The following SLC38A5 variants were observed in gnomAD, a reference collection of about 807,000 sequenced individuals.
The protein encoded by SLC38A5 is sodium-coupled neutral amino acid transporter 5.
Under a neutral mutation model 34.6 loss-of-function variants are expected in SLC38A5, and 9 were observed. The observed-to-expected ratio is 0.26, with a 90% CI of 0.16 to 0.45. The LOEUF (loss-of-function observed/expected upper bound fraction) is 0.45, where lower values mean the gene tolerates loss of function less well. Ranked by LOEUF, SLC38A5 falls within the 20% of genes least tolerant of loss-of-function variation. The pLI, the probability that SLC38A5 is intolerant of heterozygous loss-of-function variation, is 1.00. For missense variants in SLC38A5, 253 were observed against 394.7 expected, an observed-to-expected ratio of 0.64 and a Z score of 3.04; for synonymous variants, 157 against 155.6, an observed-to-expected ratio of 1.01 and a Z score of -0.07.
intron 14 of SLC38A5, 135 bp downstream of exon 14, chrX:48,460,514 C>T (rs1269279423): frequency 1.7e-6 from 1 of 593,561 alleles, no homozygotes; most frequent in Non-Finnish European, 2.6e-6. Flanking sequence ...TCTGAAAACG[C>T]TGCCCTTTCC....
rs1322605841 is a variant in SLC38A5, at chrX:48,467,561, G to C, written c.129+149C>G. 4.0e-5 allele frequency: 21 copies of C among 529,193 alleles called. No individual in the cohort carries two copies. In the East Asian group the frequency reaches 7.7e-4, roughly 19 times the overall value. The allele number at this position is 529,193 out of a possible 1,213,427, so 43.6% of individuals were successfully genotyped here. ...TCTGGGGAAGAGGAGTATCTGGAGA[G>C]GGGAGCGACCAAGTAGTGTGTAGCT... On this transcript the variant is annotated intron_variant, in intron 4 of 16. Coordinates refer to ENST00000620913, the MANE Select transcript of SLC38A5 (RefSeq NM_033518.4).
rs368812725 is a variant in SLC38A5 at position 48,460,676 on chromosome X, G to T, written c.1041C>A (p.Thr347=). The change falls in exon 14 of 17, where the codon ACC becomes ACA. Residue 347 remains threonine (T), a synonymous_variant. Coordinates refer to ENST00000620913, the MANE Select transcript of SLC38A5 (RefSeq NM_033518.4). ...GGAACAGCACGACTGGCACAGTGAG[G>T]GTCACCGCGAGCAGCACGGCCAGGC... ...CVRLAVLLAV[T]LTVPVVLFPI... is the part of the protein sequence containing the mutation. The T allele has an allele frequency of 8.3e-7, 1 of 1,211,706 alleles. No homozygotes were observed. The highest frequency in any genetic ancestry group is 1.1e-6 in the Non-Finnish European group (1 of 895,529).
intron 14 of SLC38A5, among the ~76,000 whole-genome samples, 167 bp downstream of exon 14, chrX:48,460,482 C>A (rs782480952): frequency 8.9e-6 from 1 of 111,886 alleles, no homozygotes; most frequent in Non-Finnish European, 1.9e-5. Flanking sequence ...TTCTGTTTAT[C>A]GATTTTTGCC....
At position 48,462,928 on chromosome X, in the gene SLC38A5, T is replaced by C. The variant is rs1474640862; in HGVS notation, c.544A>G (p.Ile182Val). Residue 182 changes from isoleucine (I) to valine (V), a missense_variant, in exon 9 of 17, where the codon ATC becomes GTC. By Grantham distance (29) the Ile-to-Val change is conservative. This residue lies in a region of SLC38A5 where 176 missense variants were observed against 273.0 expected (regional missense o/e 0.64). Transcript: ENST00000620913. ...TGTTTCATGAGGGCGAGGGGCAGGATGATTAACACACTGACGATGATGATG... is the reference window on the plus strand; with the variant it reads ...TGTTTCATGAGGGCGAGGGGCAGGACGATTAACACACTGACGATGATGATG... ...LLIIIVSVLIILPLALMKHLG... is the reference protein window; with the variant it reads ...LLIIIVSVLIVLPLALMKHLG... 1 of 1,207,645 alleles carries C rather than the reference T, an allele frequency of 8.3e-7. No individual in the cohort carries two copies. The highest frequency in any genetic ancestry group is 1.8e-5 in the African/African-American group (1 of 57,006).
intron 2 of SLC38A5, chrX:48,468,918 C>T: frequency 1.7e-5 from 13 of 753,431 alleles, no homozygotes; most frequent in Non-Finnish European, 2.0e-5. Context: ...CTCTGCAATC[C>T]CCACCCGAGC....
At chrX:48,460,952 C>T (rs782457222) in intron 13 of SLC38A5, 34 bp downstream of exon 13, 51 of 1,097,366 alleles carry the variant, frequency 4.6e-5, no homozygotes, top group Admixed American at 1.2e-4. Context: ...CAGGCCTTCC[C>T]CCTCCCCCCA....
chrX:48,462,934 A>G lies in SLC38A5; in HGVS notation c.538T>C (p.Leu180=). Residue 180 remains leucine (L), a synonymous_variant, in exon 9 of 17, where the codon TTA becomes CTA. Transcript: ENST00000620913. ...GNLLIIIVSV[L]IILPLALMKH... is the part of the protein sequence containing the mutation. ...ATGAGGGCGAGGGGCAGGATGATTAACACACTGACGATGATGATGAGGAGG... is the reference window on the plus strand; with the variant it reads ...ATGAGGGCGAGGGGCAGGATGATTAGCACACTGACGATGATGATGAGGAGG... The G allele has an allele frequency of 8.3e-7, 1 of 1,209,715 alleles. No homozygotes were observed. Among genetic ancestry groups the G allele is most frequent in the East Asian group, 3.0e-5 (1 of 33,816 alleles).
At chrX:48,468,415 G>A (rs1311974210) in intron 2 of SLC38A5, 177 of 756,198 alleles carry the variant, frequency 2.3e-4, no homozygotes, top group Non-Finnish European at 2.7e-4. Flanking sequence ...GCAGGGACAC[G>A]TGTCGGCCTG....
At chrX:48,462,873 A>G (rs782038379) in intron 9 of SLC38A5, 25 bp downstream of exon 9, 12 of 1,168,650 alleles carry the variant, frequency 1.0e-5, no homozygotes, top group Admixed American at 7.0e-5. Flanking sequence ...CCACTACCCA[A>G]TGGCCAACCC....
Position 48,459,585 on chromosome X carries a change from C to T in SLC38A5, c.1268G>A (p.Arg423His). Reference protein sequence around the residue: ...IFILPSIFYLRIVPSEVEPFL... With the variant: ...IFILPSIFYLHIVPSEVEPFL... ...AGGCTCCACCTCAGAGGGTACAATG[C>T]GGAGGTAGAAGATGCTGGGGAGGAT... Residue 423 changes from arginine (R) to histidine (H), a missense_variant, in exon 16 of 17, where the codon CGC (arginine) becomes CAC (histidine). Transcript: ENST00000620913. 4 of 1,141,184 alleles carry T rather than the reference C, an allele frequency of 3.5e-6. No homozygotes were observed. Among genetic ancestry groups the T allele is most frequent in the African/African-American group, 1.8e-5 (1 of 54,428 alleles). 94.0% of individuals were successfully genotyped at this position (1,141,184 alleles called of 1,213,427 possible).
chrX:48,465,279 A>T (rs1276552448), intron 8 of SLC38A5, among the ~76,000 whole-genome samples: 2 of 106,637 alleles, frequency 1.9e-5, no homozygotes, highest in Non-Finnish European at 3.9e-5. Flanking sequence ...TTGCAACCAT[A>T]ATACAGAGGA....
Position 48,460,840 on chromosome X carries a change from A to G in SLC38A5, c.953-76T>C. 6.7e-6 allele frequency: 7 copies of G among 1,041,237 alleles called. No individual in the cohort carries two copies. The South Asian group carries it at 1.0e-4, about 15-fold the overall frequency. The allele number at this position is 1,041,237 out of a possible 1,213,427, so 85.8% of individuals were successfully genotyped here. On this transcript the variant is annotated intron_variant, in intron 13 of 16. Transcript: ENST00000620913. The stretch of plus-strand genomic sequence containing the variant: ...GGACCAATGCCCCAGAAACCCATAC[A>G]TACATGCACAGTGACAAAATCCACA...
Position 48,459,817 on chromosome X carries a change from A to C in SLC38A5, c.1128T>G (p.His376Gln). Reference sequence around the variant, plus strand: ...CAAGCAGGATCAGAGCTATGGCCACATGTCGTGGCCAGCTGAAGGCCTTGC... The same window carrying C: ...CAAGCAGGATCAGAGCTATGGCCACCTGTCGTGGCCAGCTGAAGGCCTTGC... ...FPGKAFSWPRHVAIALILLVL... is the reference protein window; with the variant it reads ...FPGKAFSWPRQVAIALILLVL... The change falls in exon 15 of 17, where the codon CAT becomes CAG. Residue 376 changes from histidine to glutamine, a missense_variant. His to Gln is a conservative substitution (Grantham distance 24). This residue lies in a region of SLC38A5 where 176 missense variants were observed against 273.0 expected (regional missense o/e 0.64). Transcript: ENST00000620913. 1 of 1,211,280 alleles carries C rather than the reference A, an allele frequency of 8.3e-7. No homozygotes were observed. Among genetic ancestry groups the C allele is most frequent in the Non-Finnish European group, 1.1e-6 (1 of 895,116 alleles).
rs981752222 is a variant in SLC38A5, at chrX:48,458,819, C to A, written c.*114G>T. 47 of 1,094,688 alleles carry A rather than the reference C, an allele frequency of 4.3e-5. No individual in the cohort carries two copies. In the African/African-American group the frequency reaches 6.1e-4, roughly 14 times the overall value. The allele number at this position is 1,094,688 out of a possible 1,213,427, so 90.2% of individuals were successfully genotyped here. ...AGCCTCTGCTGTCCCCCGCCTCTGACAACCACGTTCATGGGAACCAGCCAC... is the reference window on the plus strand; with the variant it reads ...AGCCTCTGCTGTCCCCCGCCTCTGAAAACCACGTTCATGGGAACCAGCCAC... On this transcript the variant is annotated 3_prime_UTR_variant, in exon 17 of 17. Transcript: ENST00000620913.
At chrX:48,467,257 G>A (rs367710423) in intron 4 of SLC38A5, 180 bp from the exon 5 acceptor site, 10 of 447,252 alleles carry the variant, frequency 2.2e-5, no homozygotes, top group African/African-American at 1.2e-4. Flanking sequence ...AAGAGGCTGC[G>A]AATGGGGAGA....
At chrX:48,460,029 G>A (rs955507015) in intron 14 of SLC38A5, among the ~76,000 whole-genome samples, 153 bp from the exon 15 acceptor site, 2 of 111,125 alleles carry the variant, frequency 1.8e-5, no homozygotes, top group African/African-American at 6.6e-5. Context: ...CCCAACATCT[G>A]TGTCTCTATG....
At chrX:48,462,643 AC>A (rs1233402538) in intron 9 of SLC38A5, among the ~76,000 whole-genome samples, 10 of 108,219 alleles carry the variant, frequency 9.2e-5, no homozygotes, top group African/African-American at 3.4e-4. Flanking sequence ...AAATCAATGG[AC>A]CCCCGGAACA....
chrX:48,464,388 T>C (rs1298614669), intron 8 of SLC38A5, among the ~76,000 whole-genome samples: 1 of 112,769 alleles, frequency 8.9e-6, no homozygotes, highest in Non-Finnish European at 1.9e-5. Flanking sequence ...CAATGGGAGC[T>C]AACTATAATA....
At chrX:48,463,865 AAG>A (rs1274965156) in intron 8 of SLC38A5, among the ~76,000 whole-genome samples, 2 of 86,124 alleles carry the variant, frequency 2.3e-5, no homozygotes, top group East Asian at 8.0e-4. Context: ...GAAAGAAAGA[AAG>A]AAAGAAAGAA....
Sources: gnomAD v4.1 joint callset for allele counts (sites outside exome capture counted in the v4.1 genomes callset) on GRCh38, gnomAD v4.1.1 for gene constraint, gnomAD v4.1.1 regional missense constraint, MANE v1.5 for transcripts, NCBI Gene and HGNC (gene_info 2026-07-23, HGNC 2026-07-21) for gene names.